ITFG1: variants seen among roughly 807,000 people sequenced by gnomAD.
The protein encoded by ITFG1 is T-cell immunomodulatory protein.
A neutral mutation model predicts 81.8 loss-of-function variants in ITFG1; 34 were observed. That is an observed-to-expected ratio of 0.42 (90% CI 0.32 to 0.55). The LOEUF (loss-of-function observed/expected upper bound fraction) is 0.55. Among genes scored for constraint, ITFG1 ranks in the 20% least tolerant of loss-of-function variants. The pLI is 0.17. For missense variants in ITFG1, 672 were observed against 755.4 expected, an observed-to-expected ratio of 0.89 and a Z score of 1.29; for synonymous variants, 285 against 270.6, an observed-to-expected ratio of 1.05 and a Z score of -0.52.
intron 12 of ITFG1, among the ~76,000 whole-genome samples, chr16:47,258,421 T>A (rs1966163743): frequency 6.6e-6 from 1 of 152,194 alleles, no homozygotes; most frequent in Non-Finnish European, 1.5e-5. Flanking sequence ...CAATAGATAT[T>A]TCTGGACAGA....
chr16:47,424,257 A>C (rs1968990317), intron 6 of ITFG1, among the ~76,000 whole-genome samples: 1 of 152,128 alleles, frequency 6.6e-6, no homozygotes, highest in Non-Finnish European at 1.5e-5. Flanking sequence ...CAAAGTTCTC[A>C]TGCCATGGTT....
intron 10 of ITFG1, among the ~76,000 whole-genome samples, chr16:47,286,434 G>C (rs1358346638): frequency 6.6e-6 from 1 of 152,162 alleles, no homozygotes; most frequent in Admixed American, 6.5e-5. Context: ...GAGTTCAGCA[G>C]TTCTAGACCA....
At chr16:47,335,684 C>A (rs1019192648) in intron 8 of ITFG1, among the ~76,000 whole-genome samples, 4 of 152,146 alleles carry the variant, frequency 2.6e-5, no homozygotes, top group Non-Finnish European at 5.9e-5. Flanking sequence ...TAAGACACCA[C>A]TACACACCAA....
At chr16:47,382,056 A>G (rs558352327) in intron 6 of ITFG1, among the ~76,000 whole-genome samples, 1 of 152,344 alleles carries the variant, frequency 6.6e-6, no homozygotes, top group Admixed American at 6.5e-5. Context: ...TTAGCTCCAG[A>G]CAATTGTTGT....
intron 10 of ITFG1, among the ~76,000 whole-genome samples, chr16:47,308,072 T>G (rs1171316508): frequency 1.3e-5 from 2 of 152,216 alleles, no homozygotes; most frequent in Admixed American, 1.3e-4. Context: ...ATTGATTCCA[T>G]ATCTCTGCTA....
chr16:47,219,651 C>T (rs1276714438), intron 13 of ITFG1, among the ~76,000 whole-genome samples: 1 of 152,144 alleles, frequency 6.6e-6, no homozygotes, highest in Non-Finnish European at 1.5e-5. Context: ...GAATATTTTT[C>T]TCAGCCTCAA....
chr16:47,255,428 G>C (rs145819839), intron 12 of ITFG1, among the ~76,000 whole-genome samples: 8 of 152,256 alleles, frequency 5.3e-5, no homozygotes, highest in Non-Finnish European at 1.2e-4. Flanking sequence ...ACCAGGAAAG[G>C]CATTTCAATC....
chr16:47,173,529 A>G (rs1964985071), intron 14 of ITFG1, among the ~76,000 whole-genome samples: 1 of 152,214 alleles, frequency 6.6e-6, no homozygotes, highest in Admixed American at 6.5e-5. Flanking sequence ...AAAAAATACT[A>G]TATCAATTTA....
intron 5 of ITFG1, among the ~76,000 whole-genome samples, chr16:47,441,064 A>C (rs1012621102): frequency 3.9e-5 from 6 of 152,194 alleles, no homozygotes; most frequent in African/African-American, 1.2e-4. Context: ...TACGCAAATA[A>C]ACTAGAAAAT....
intron 6 of ITFG1, among the ~76,000 whole-genome samples, chr16:47,399,858 T>C (rs1361709611): frequency 6.6e-6 from 1 of 152,218 alleles, no homozygotes; most frequent in Non-Finnish European, 1.5e-5. Context: ...GTCATTTATT[T>C]CTCTACATAT....
chr16:47,160,906 G>T lies in ITFG1; in HGVS notation c.1661+844C>A, dbSNP rs905659205. On this transcript the variant is annotated intron_variant, in intron 16 of 17. Coordinates refer to ENST00000320640, the MANE Select transcript of ITFG1 (RefSeq NM_030790.5). Reference sequence around the variant, plus strand: ...GTTTTGGCAATCAATACATTCGATCGAGATGTTTAATAAAGAATGATGAAG... The same window carrying T: ...GTTTTGGCAATCAATACATTCGATCTAGATGTTTAATAAAGAATGATGAAG... Among the ~76,000 whole-genome samples, 3 of 152,064 alleles carry T rather than the reference G, an allele frequency of 2.0e-5. No individual in the cohort carries two copies. In the South Asian group the frequency reaches 6.2e-4, roughly 32 times the overall value.
At chr16:47,228,719 A>G (rs1965784317) in intron 13 of ITFG1, among the ~76,000 whole-genome samples, 2 of 152,214 alleles carry the variant, frequency 1.3e-5, no homozygotes, top group African/African-American at 4.8e-5. Flanking sequence ...TCCTAAATAG[A>G]ATAGGTAAAA....
At chr16:47,192,353 T>C (rs1965302863) in intron 14 of ITFG1, among the ~76,000 whole-genome samples, 1 of 152,224 alleles carries the variant, frequency 6.6e-6, no homozygotes, top group Non-Finnish European at 1.5e-5. Context: ...CATCATCTAA[T>C]GCTTATTTTT....
chr16:47,193,482 C>T (rs768884136), intron 14 of ITFG1, among the ~76,000 whole-genome samples: 22 of 151,928 alleles, frequency 1.4e-4, no homozygotes, highest in Admixed American at 2.6e-4. Flanking sequence ...ATATTTTGAG[C>T]CCAAGAGTTC....
chr16:47,429,077 G>A (rs141531139), intron 5 of ITFG1, among the ~76,000 whole-genome samples, 179 bp from the exon 6 acceptor site: 81 of 152,156 alleles, frequency 5.3e-4, no homozygotes, highest in African/African-American at 1.8e-3. Flanking sequence ...GTGTACAATC[G>A]TCACTACTAT....
At chr16:47,418,826 G>A (rs1968904967) in intron 6 of ITFG1, among the ~76,000 whole-genome samples, 1 of 152,122 alleles carries the variant, frequency 6.6e-6, no homozygotes. Context: ...CAGGCAGTGT[G>A]ATGCTTCCAG....
chr16:47,163,771 A>G (rs1274861241), intron 14 of ITFG1, among the ~76,000 whole-genome samples: 1 of 152,044 alleles, frequency 6.6e-6, no homozygotes, highest in African/African-American at 2.4e-5. Flanking sequence ...ATCCTCAATA[A>G]CACTTTTTGT....
At chr16:47,325,596 AAG>A (rs1462749966) in intron 8 of ITFG1, among the ~76,000 whole-genome samples, 1 of 152,062 alleles carries the variant, frequency 6.6e-6, no homozygotes, top group Non-Finnish European at 1.5e-5. Flanking sequence ...TAAAGAAGAA[AAG>A]AGAGAAGAAT....
At chr16:47,405,603 T>A (rs990442541) in intron 6 of ITFG1, among the ~76,000 whole-genome samples, 17 of 152,214 alleles carry the variant, frequency 1.1e-4, no homozygotes, top group Non-Finnish European at 2.4e-4. Flanking sequence ...ATGGAGAAGC[T>A]GCTGAACCTC....
Sources: allele counts gnomAD v4.1 joint callset (sites outside exome capture counted in the v4.1 genomes callset), GRCh38; gene constraint gnomAD v4.1.1; transcripts MANE v1.5; gene names NCBI Gene and HGNC (gene_info 2026-07-23, HGNC 2026-07-21).